SNAP91: variants seen among roughly 807,000 people sequenced by gnomAD.
SNAP91 encodes the protein synaptosome associated protein 91.
SNAP91 carries 27 observed loss-of-function variants against 100.3 expected under a neutral mutation model. That is an observed-to-expected ratio of 0.27 (90% CI 0.20 to 0.37). The LOEUF is 0.37. Ranked by LOEUF, SNAP91 falls within the 10% of genes least tolerant of loss-of-function variation. The pLI is 1.00. For synonymous variants in SNAP91, 404 were observed against 398.6 expected, an observed-to-expected ratio of 1.01 and a Z score of -0.16; for missense variants, 986 against 1,123.7, an observed-to-expected ratio of 0.88 and a Z score of 1.75.
intron 2 of SNAP91, among the ~76,000 whole-genome samples, chr6:83,679,362 T>G (rs1161479681): frequency 6.6e-6 from 1 of 152,170 alleles, no homozygotes; most frequent in African/African-American, 2.4e-5. Context: ...GAAACTAGTT[T>G]TTTAAAAAAT....
chr6:83,702,121 T>C (rs1163895142), intron 2 of SNAP91, among the ~76,000 whole-genome samples: 2 of 152,152 alleles, frequency 1.3e-5, no homozygotes, highest in Non-Finnish European at 2.9e-5. Context: ...AGAGAAAACA[T>C]TATAAAAGAA....
At chr6:83,673,252 T>C (rs2128848222) in intron 2 of SNAP91, among the ~76,000 whole-genome samples, 1 of 152,034 alleles carries the variant, frequency 6.6e-6, no homozygotes, top group East Asian at 1.9e-4. Context: ...AATGTAATGG[T>C]ATTAGGAGAG....
chr6:83,567,412 A>G (rs1437670661), intron 26 of SNAP91, among the ~76,000 whole-genome samples: 1 of 152,200 alleles, frequency 6.6e-6, no homozygotes, highest in African/African-American at 2.4e-5. Flanking sequence ...TAGAACACCT[A>G]GGCAATACCA....
chr6:83,565,101 T>A (rs926825433), intron 26 of SNAP91, among the ~76,000 whole-genome samples: 2 of 151,538 alleles, frequency 1.3e-5, no homozygotes, highest in Admixed American at 6.6e-5. Flanking sequence ...AAGGATGTTA[T>A]AGGGTAGCAG....
intron 16 of SNAP91, among the ~76,000 whole-genome samples, chr6:83,596,183 G>C (rs1341091383): frequency 6.6e-6 from 1 of 152,118 alleles, no homozygotes; most frequent in Non-Finnish European, 1.5e-5. Flanking sequence ...GCCTCCTCAC[G>C]GACTGGGATT....
chr6:83,627,407 A>C (rs2096981760), intron 8 of SNAP91, among the ~76,000 whole-genome samples: 1 of 152,092 alleles, frequency 6.6e-6, no homozygotes, highest in South Asian at 2.1e-4. Context: ...ATTCATTGAA[A>C]TAGTTTCAGT....
intron 3 of SNAP91, among the ~76,000 whole-genome samples, chr6:83,664,534 C>T (rs184076502): frequency 6.6e-6 from 1 of 152,028 alleles, no homozygotes; most frequent in Non-Finnish European, 1.5e-5. Context: ...AGCAAGGGAA[C>T]TAGAATTGGA....
At chr6:83,696,897 C>A (rs1405427361) in intron 2 of SNAP91, among the ~76,000 whole-genome samples, 1 of 152,010 alleles carries the variant, frequency 6.6e-6, no homozygotes, top group Non-Finnish European at 1.5e-5. Flanking sequence ...TGGAAGTTAT[C>A]CAAATATTTG....
chr6:83,624,206 G>GA (rs1478818790), intron 8 of SNAP91, among the ~76,000 whole-genome samples: 71 of 151,866 alleles, frequency 4.7e-4, no homozygotes, highest in African/African-American at 1.7e-3. Context: ...AAGCAAATAT[G>GA]AAAAAATATT....
At chr6:83,701,025 A>T (rs754208571) in intron 2 of SNAP91, among the ~76,000 whole-genome samples, 10 of 152,192 alleles carry the variant, frequency 6.6e-5, no homozygotes, top group Non-Finnish European at 1.3e-4. Context: ...TTCATGCATG[A>T]ATTATGCCAT....
chr6:83,598,390 T>C (rs1368793932), intron 16 of SNAP91, among the ~76,000 whole-genome samples: 1 of 152,170 alleles, frequency 6.6e-6, no homozygotes, highest in Non-Finnish European at 1.5e-5. Context: ...ACTAAAACAT[T>C]ACTTGTGTAT....
rs983794934 is a variant in SNAP91 at position 83,659,082 on chromosome 6, C to T, written c.463G>A (p.Val155Ile). The change falls in exon 6 of 30, where the codon GTA becomes ATA. Residue 155 changes from valine to isoleucine, a missense_variant. Physicochemically the swap from Val to Ile is conservative, Grantham distance 29. This residue lies in a region of SNAP91 where 330 missense variants were observed against 447.5 expected (regional missense o/e 0.74). Transcript: ENST00000369694. Reference sequence around the variant, plus strand: ...TTTTCGGGAGCCATTGTCCTCATTACACCATCGGCCCTACAATTAAAAAAA... The same window carrying T: ...TTTTCGGGAGCCATTGTCCTCATTATACCATCGGCCCTACAATTAAAAAAA... ...FARVKKGADG[V>I]MRTMAPEKLL... 2.5e-6 allele frequency: 4 copies of T among 1,584,124 alleles called. No homozygotes were observed. Among genetic ancestry groups the T allele is most frequent in the Non-Finnish European group, 3.4e-6 (4 of 1,163,588 alleles).
At chr6:83,697,875 C>T (rs1321926254) in intron 2 of SNAP91, among the ~76,000 whole-genome samples, 3 of 151,944 alleles carry the variant, frequency 2.0e-5, no homozygotes, top group African/African-American at 4.8e-5. Flanking sequence ...TGCTATCATG[C>T]TATGTTTGGC....
At chr6:83,594,834 C>T (rs2094277141) in intron 16 of SNAP91, among the ~76,000 whole-genome samples, 2 of 152,168 alleles carry the variant, frequency 1.3e-5, no homozygotes, top group African/African-American at 4.8e-5. Flanking sequence ...TAATTTAAGA[C>T]ATTAAACTTT....
intron 9 of SNAP91, among the ~76,000 whole-genome samples, chr6:83,623,096 A>G (rs1327963793): frequency 6.6e-6 from 1 of 152,170 alleles, no homozygotes; most frequent in Non-Finnish European, 1.5e-5. Context: ...AAGAAACTAT[A>G]TCATAAGAAC....
intron 2 of SNAP91, among the ~76,000 whole-genome samples, chr6:83,702,458 C>G (rs1241007227): frequency 6.6e-6 from 1 of 152,096 alleles, no homozygotes; most frequent in East Asian, 1.9e-4. Flanking sequence ...GATTAAATTA[C>G]AAATAAATCT....
chr6:83,615,069 T>C (rs368242669), intron 10 of SNAP91, among the ~76,000 whole-genome samples: 2 of 152,300 alleles, frequency 1.3e-5, no homozygotes, highest in East Asian at 1.9e-4. Context: ...TGGAGGACTA[T>C]TGAATTTTAA....
At position 83,565,368 on chromosome 6, in the gene SNAP91, T is replaced by A. The variant is rs149250396; in HGVS notation, c.2443-4421A>T. Among the ~76,000 whole-genome samples, 108 of 152,282 alleles carry A rather than the reference T, an allele frequency of 7.1e-4. 1 individual carries two copies. The highest frequency in any genetic ancestry group is 2.4e-3 in the African/African-American group (99 of 41,570). ...TAATTAGCCTTGAACTGCCATTAGT[T>A]TCCCATATATTTGCCACCTTAGAGA... On this transcript the variant is annotated intron_variant, in intron 26 of 29. Coordinates refer to ENST00000369694, the MANE Select transcript of SNAP91 (RefSeq NM_001242792.2).
chr6:83,591,493 A>G (rs2093741742), intron 21 of SNAP91, among the ~76,000 whole-genome samples, 199 bp from the exon 22 acceptor site: 1 of 152,188 alleles, frequency 6.6e-6, no homozygotes, highest in African/African-American at 2.4e-5. Flanking sequence ...CTAAAATATT[A>G]ACAAGTAATA....
Sources: gnomAD v4.1 joint callset for allele counts (sites outside exome capture counted in the v4.1 genomes callset) on GRCh38, gnomAD v4.1.1 for gene constraint, gnomAD v4.1.1 regional missense constraint, MANE v1.5 for transcripts, NCBI Gene and HGNC (gene_info 2026-07-23, HGNC 2026-07-21) for gene names.